ESRRG: variants seen among roughly 807,000 people sequenced by gnomAD.
The protein encoded by ESRRG is estrogen-related receptor gamma.
In ESRRG, 13 loss-of-function variants were observed where a neutral mutation model predicts 44.0. That is an observed-to-expected ratio of 0.30 (90% CI 0.19 to 0.47). The LOEUF (loss-of-function observed/expected upper bound fraction) is 0.47, where lower values mean the gene tolerates loss of function less well. Among genes scored for constraint, ESRRG ranks in the 20% least tolerant of loss-of-function variants. ESRRG has a pLI of 1.00. For synonymous variants in ESRRG, 215 were observed against 214.6 expected (o/e 1.00, Z -0.02); for missense variants, 395 against 580.6 (o/e 0.68, Z 3.29).
chr1:216,889,162 G>T (rs1231255854), intron 2 of ESRRG, among the ~76,000 whole-genome samples: 2 of 152,184 alleles, frequency 1.3e-5, no homozygotes, highest in African/African-American at 4.8e-5. Flanking sequence ...ATAAGCGAAA[G>T]ATTGCTGACA....
rs542847831 is a variant in ESRRG at position 216,823,205 on chromosome 1, T to G, written c.-14+116377A>C. ...AGACCCTTCCTAAGCTCCAAAGTCT[T>G]GAATCTGTAAGAGAAGGGAGTAAGA... is the stretch of plus-strand genomic sequence containing the variant. On this transcript the variant is annotated intron_variant, in intron 2 of 7. Transcript: ENST00000359162. Among the ~76,000 whole-genome samples, 3 of 152,168 alleles carry G rather than the reference T, an allele frequency of 2.0e-5. No individual in the cohort carries two copies. In the South Asian group the frequency reaches 6.3e-4, roughly 32 times the overall value.
chr1:217,118,285 A>C (rs541452735), intron 1 of ESRRG, among the ~76,000 whole-genome samples: 1 of 152,324 alleles, frequency 6.6e-6, no homozygotes, highest in East Asian at 1.9e-4. Context: ...TAAACATCTT[A>C]ATGCAAACAC....
At chr1:216,547,359 T>A (rs1378625539) in intron 5 of ESRRG, among the ~76,000 whole-genome samples, 2 of 151,990 alleles carry the variant, frequency 1.3e-5, no homozygotes, top group Non-Finnish European at 2.9e-5. Flanking sequence ...TGAAGGCAGA[T>A]TTCCAGAGTT....
chr1:216,613,320 A>G (rs1431383602), intron 3 of ESRRG, among the ~76,000 whole-genome samples: 1 of 152,214 alleles, frequency 6.6e-6, no homozygotes, highest in Admixed American at 6.5e-5. Context: ...TATTAATTTT[A>G]TGAAACCCTA....
intron 3 of ESRRG, among the ~76,000 whole-genome samples, chr1:216,612,962 G>A (rs1167884356): frequency 6.6e-6 from 1 of 152,180 alleles, no homozygotes; most frequent in Admixed American, 6.5e-5. Context: ...CTTCTCCTCT[G>A]CTGGTAATTT....
At chr1:216,523,856 A>G (rs2046845712) in intron 5 of ESRRG, among the ~76,000 whole-genome samples, 1 of 151,984 alleles carries the variant, frequency 6.6e-6, no homozygotes, top group Non-Finnish European at 1.5e-5. Flanking sequence ...CAAAAAAAAA[A>G]AAAATCAACA....
rs888096577 is a variant in ESRRG, at chr1:216,715,066, G to A, written c.56+8178C>T. The A allele has an allele frequency of 1.7e-5, 17 of 985,186 alleles. No individual in the cohort carries two copies. In the African/African-American group the frequency reaches 3.0e-4, roughly 17 times the overall value. The allele number at this position is 985,186 out of a possible 1,614,324, so 61.0% of individuals were successfully genotyped here. On this transcript the variant is annotated intron_variant, in intron 1 of 6. Transcript: ENST00000408911. ...AGAGAACAGAAAAAGGCGGCCACAT[G>A]CTCCCACCTGAGCCCAACTCCTGAT... is the stretch of plus-strand genomic sequence containing the variant.
At chr1:216,788,724 C>A (rs2094213329) in intron 2 of ESRRG, among the ~76,000 whole-genome samples, 1 of 152,068 alleles carries the variant, frequency 6.6e-6, no homozygotes, top group Admixed American at 6.6e-5. Flanking sequence ...TGACCAAAGT[C>A]CATAAAATGA....
intron 1 of ESRRG, among the ~76,000 whole-genome samples, chr1:216,993,956 A>G (rs1030222005): frequency 1.6e-4 from 24 of 152,214 alleles, no homozygotes; most frequent in African/African-American, 5.8e-4. Flanking sequence ...TTTCATGAAT[A>G]TGATGGATGA....
At chr1:216,708,287 A>G (rs1211931656) in intron 1 of ESRRG, among the ~76,000 whole-genome samples, 1 of 152,162 alleles carries the variant, frequency 6.6e-6, no homozygotes, top group Admixed American at 6.5e-5. Flanking sequence ...CCTGGAATAT[A>G]AAAGATAATA....
intron 2 of ESRRG, among the ~76,000 whole-genome samples, chr1:216,835,969 A>G (rs1010012914): frequency 1.3e-5 from 2 of 152,152 alleles, no homozygotes; most frequent in Admixed American, 6.5e-5. Flanking sequence ...CCATTGTATC[A>G]AAAAGCAGAG....
intron 5 of ESRRG, among the ~76,000 whole-genome samples, chr1:216,562,860 A>G (rs1248279340): frequency 2.0e-5 from 3 of 152,164 alleles, no homozygotes; most frequent in Non-Finnish European, 2.9e-5. Flanking sequence ...TTCCTTACAA[A>G]TAAGTTTTCA....
At chr1:217,028,568 C>A (rs138447256) in intron 1 of ESRRG, among the ~76,000 whole-genome samples, 1 of 152,260 alleles carries the variant, frequency 6.6e-6, no homozygotes, top group African/African-American at 2.4e-5. Context: ...TTTCTGGGTT[C>A]AATTTTATGT....
At chr1:216,634,032 G>A (rs889337143) in intron 3 of ESRRG, among the ~76,000 whole-genome samples, 4 of 152,162 alleles carry the variant, frequency 2.6e-5, no homozygotes, top group African/African-American at 9.7e-5. Context: ...TCTAACAGAA[G>A]GTATTAGCCA....
chr1:216,718,990 T>C (rs996608888), intron 1 of ESRRG, among the ~76,000 whole-genome samples: 19 of 152,178 alleles, frequency 1.2e-4, no homozygotes, highest in African/African-American at 4.6e-4. Context: ...AAAGTATCTC[T>C]CATCAGCATA....
At chr1:216,771,940 A>G (rs2093402353) in intron 2 of ESRRG, among the ~76,000 whole-genome samples, 1 of 150,918 alleles carries the variant, frequency 6.6e-6, no homozygotes, top group Non-Finnish European at 1.5e-5. Flanking sequence ...TTCTGATCCT[A>G]GCTGTCTATG....
At chr1:217,030,103 G>A (rs959906396) in intron 1 of ESRRG, among the ~76,000 whole-genome samples, 16 of 152,080 alleles carry the variant, frequency 1.1e-4, no homozygotes, top group East Asian at 3.9e-4. Flanking sequence ...AAGGTGGTGC[G>A]GAGGCAGTGC....
intron 2 of ESRRG, among the ~76,000 whole-genome samples, chr1:216,904,781 G>T (rs2059500392): frequency 6.6e-6 from 1 of 152,174 alleles, no homozygotes; most frequent in Admixed American, 6.5e-5. Context: ...CCCAGCCATT[G>T]CTTGGAAGTC....
chr1:216,929,880 C>A (rs1007422063), intron 2 of ESRRG, among the ~76,000 whole-genome samples: 2 of 152,140 alleles, frequency 1.3e-5, no homozygotes, highest in African/African-American at 4.8e-5. Context: ...AACTGCCATG[C>A]CAGTCCTGCC....
Sources: gnomAD v4.1 joint callset for allele counts (sites outside exome capture counted in the v4.1 genomes callset) on GRCh38, gnomAD v4.1.1 for gene constraint, MANE v1.5 for transcripts, NCBI Gene and HGNC (gene_info 2026-07-23, HGNC 2026-07-21) for gene names.